TSHZ3: variants seen among roughly 807,000 people sequenced by gnomAD.
TSHZ3 encodes the protein teashirt zinc finger homeobox 3.
TSHZ3 carries 10 observed loss-of-function variants against 64.5 expected under a neutral mutation model. The ratio of observed to expected loss-of-function variants is 0.16; its 90% CI spans 0.10 to 0.26. The LOEUF (loss-of-function observed/expected upper bound fraction) is 0.26, where lower values mean the gene tolerates loss of function less well. TSHZ3 is among the 10% of genes least tolerant of loss of function. The pLI is 1.00. For synonymous variants in TSHZ3, 608 were observed against 593.1 expected, an observed-to-expected ratio of 1.03 and a Z score of -0.36; for missense variants, 1,242 against 1,421.7, an observed-to-expected ratio of 0.87 and a Z score of 2.03.
chr19:31,289,765 G>A (rs1308218051), intron 1 of TSHZ3, among the ~76,000 whole-genome samples: 2 of 152,218 alleles, frequency 1.3e-5, no homozygotes, highest in East Asian at 1.9e-4. Flanking sequence ...AAGCTGGGCC[G>A]CGTTCTCCTC....
chr19:31,342,522 C>A (rs1449847875), intron 1 of TSHZ3, among the ~76,000 whole-genome samples: 1 of 152,158 alleles, frequency 6.6e-6, no homozygotes, highest in Non-Finnish European at 1.5e-5. Context: ...AAAATAAATT[C>A]ACTCAAGGCT....
At chr19:31,308,112 T>C (rs1916350406) in intron 1 of TSHZ3, among the ~76,000 whole-genome samples, 1 of 152,142 alleles carries the variant, frequency 6.6e-6, no homozygotes, top group South Asian at 2.1e-4. Context: ...AAGTTGAAAA[T>C]AAAGCAGAAT....
At chr19:31,301,060 A>C (rs1324309306) in intron 1 of TSHZ3, among the ~76,000 whole-genome samples, 1 of 152,192 alleles carries the variant, frequency 6.6e-6, no homozygotes, top group African/African-American at 2.4e-5. Context: ...CTATATCAGA[A>C]TATTTTTCAT....
intron 1 of TSHZ3, among the ~76,000 whole-genome samples, chr19:31,266,717 G>T (rs1022037564): frequency 2.6e-5 from 4 of 152,178 alleles, no homozygotes; most frequent in Non-Finnish European, 5.9e-5. Context: ...CACGGGAATA[G>T]AATAAAATGC....
chr19:31,172,989 G>GT (rs2145117199), intron 5 of TSHZ3, among the ~76,000 whole-genome samples: 1 of 152,340 alleles, frequency 6.6e-6, no homozygotes, highest in South Asian at 2.1e-4. Context: ...GCTAGATCAT[G>GT]TAGGGTCTCA....
At chr19:31,286,541 T>C (rs550957508) in intron 1 of TSHZ3, among the ~76,000 whole-genome samples, 1 of 152,304 alleles carries the variant, frequency 6.6e-6, no homozygotes, top group Admixed American at 6.5e-5. Context: ...TCTGGCTAGT[T>C]CCACAGCACA....
chr19:31,291,956 C>A (rs1490760062), intron 1 of TSHZ3, among the ~76,000 whole-genome samples: 2 of 152,160 alleles, frequency 1.3e-5, no homozygotes, highest in Non-Finnish European at 2.9e-5. Context: ...GCTTCCGGAG[C>A]CAGGGTGCAT....
chr19:31,191,664 C>T (rs2145138361), intron 5 of TSHZ3, among the ~76,000 whole-genome samples: 1 of 152,004 alleles, frequency 6.6e-6, no homozygotes, highest in South Asian at 2.1e-4. Flanking sequence ...TGAGAGCAGA[C>T]TGGGCAACAT....
Position 31,343,653 on chromosome 19 carries a change from C to T in TSHZ3, c.40+5527G>A, listed in dbSNP as rs1162466280. Among the ~76,000 whole-genome samples the T allele has an allele frequency of 3.3e-5, 5 of 151,566 alleles. No individual in the cohort carries two copies. The East Asian group carries it at 9.7e-4, about 29-fold the overall frequency. On this transcript the variant is annotated intron_variant, in intron 1 of 1. Transcript: ENST00000240587. ...TTTTTTTACTTCCAAAAATGCATAG[C>T]GTTATTCTGGTCACAAACAGTGACC...
chr19:31,154,305 A>G (rs965335256), intron 6 of TSHZ3, among the ~76,000 whole-genome samples: 3 of 152,226 alleles, frequency 2.0e-5, no homozygotes, highest in Non-Finnish European at 4.4e-5. Flanking sequence ...AAGTCCACAC[A>G]TAATCTTTCT....
At chr19:31,199,181 G>A (rs137982719) in intron 5 of TSHZ3, among the ~76,000 whole-genome samples, 40 of 152,074 alleles carry the variant, frequency 2.6e-4, no homozygotes, top group African/African-American at 7.0e-4. Flanking sequence ...CGAGGCAGGC[G>A]GATCACAAGG....
intron 4 of TSHZ3, among the ~76,000 whole-genome samples, chr19:31,220,891 A>T (rs1295729431): frequency 6.6e-6 from 1 of 152,220 alleles, no homozygotes; most frequent in Non-Finnish European, 1.5e-5. Context: ...TTCAATGAAG[A>T]CTGAAATGTG....
At chr19:31,241,976 C>T (rs1179574554) in intron 3 of TSHZ3, among the ~76,000 whole-genome samples, 2 of 152,238 alleles carry the variant, frequency 1.3e-5, no homozygotes, top group Non-Finnish European at 2.9e-5. Context: ...GTCATACCAT[C>T]TTCACTTGAT....
chr19:31,340,203 A>G (rs1318347106), intron 1 of TSHZ3, among the ~76,000 whole-genome samples: 2 of 152,054 alleles, frequency 1.3e-5, no homozygotes, highest in Non-Finnish European at 2.9e-5. Flanking sequence ...GGCATCTGTC[A>G]ATAATTGTAG....
chr19:31,334,093 T>C (rs1354514530), intron 1 of TSHZ3, among the ~76,000 whole-genome samples: 1 of 152,122 alleles, frequency 6.6e-6, no homozygotes, highest in Non-Finnish European at 1.5e-5. Flanking sequence ...TTTATTTTCC[T>C]TTGCCCAGCT....
chr19:31,254,847 A>T (rs890950539), intron 1 of TSHZ3, among the ~76,000 whole-genome samples: 4 of 152,008 alleles, frequency 2.6e-5, no homozygotes, highest in Non-Finnish European at 4.4e-5. Flanking sequence ...GGGTGCCCTG[A>T]TGCTGATGGA....
chr19:31,178,536 G>A (rs146522492), intron 5 of TSHZ3, among the ~76,000 whole-genome samples: 5,448 of 152,188 alleles, frequency 0.036, 335 homozygotes, highest in African/African-American at 0.12. Flanking sequence ...AAAAGTAGCC[G>A]GGCGTGGTGG....
intron 1 of TSHZ3, among the ~76,000 whole-genome samples, chr19:31,265,352 G>C (rs1976038056): frequency 1.5e-5 from 2 of 134,344 alleles, no homozygotes; most frequent in Non-Finnish European, 1.5e-5. Context: ...AGCCAAAGTT[G>C]CGCCATTGCA....
At chr19:31,290,023 G>A (rs1444787260) in intron 1 of TSHZ3, among the ~76,000 whole-genome samples, 2 of 152,124 alleles carry the variant, frequency 1.3e-5, no homozygotes, top group Non-Finnish European at 2.9e-5. Flanking sequence ...CTGTACAAAC[G>A]TGCTGCACAC....
Sources: allele counts gnomAD v4.1 joint callset (sites outside exome capture counted in the v4.1 genomes callset), GRCh38; gene constraint gnomAD v4.1.1; transcripts MANE v1.5; gene names NCBI Gene and HGNC (gene_info 2026-07-23, HGNC 2026-07-21).